The following CNIH3 variants were observed in gnomAD, a reference collection of about 807,000 sequenced individuals.
CNIH3 encodes cornichon family AMPA receptor auxiliary protein 3, also known as protein cornichon homolog 3.
A neutral mutation model predicts 24.1 loss-of-function variants in CNIH3; 14 were observed. That is an observed-to-expected ratio of 0.58 (90% CI 0.38 to 0.91). The LOEUF is 0.91. Ranked by LOEUF, CNIH3 falls within the 40% of genes least tolerant of loss-of-function variation. The pLI, the probability that CNIH3 is intolerant of heterozygous loss-of-function variation, is 0.00. For missense variants in CNIH3, 178 were observed against 196.8 expected (o/e 0.90, Z 0.57); for synonymous variants, 68 against 73.8 (o/e 0.92, Z 0.40).
chr1:224,695,902 T>C (rs142228169), intron 3 of CNIH3, among the ~76,000 whole-genome samples: 26 of 152,352 alleles, frequency 1.7e-4, no homozygotes, highest in South Asian at 1.5e-3. Flanking sequence ...AAATCATTGA[T>C]TGTTCTGACA....
chr1:224,454,313 T>C, intron 1 of CNIH3: 3 of 903,210 alleles, frequency 3.3e-6, no homozygotes, highest in Non-Finnish European at 4.0e-6. Flanking sequence ...CTCTATCAAC[T>C]AATATTTCTT....
rs1193905879 is a variant in CNIH3, at chr1:224,692,800, T to C, written c.198+7957T>C. Among the ~76,000 whole-genome samples, 8 of 152,360 alleles carry C rather than the reference T, an allele frequency of 5.3e-5. 1 individual carries two copies. On this transcript the variant is annotated intron_variant, in intron 3 of 5. Transcript: ENST00000272133. ...CCCATGTGACCAGAGTCCACATTTCTGATCACCACATTATAAGGGAGATTG... is the reference window on the plus strand; with the variant it reads ...CCCATGTGACCAGAGTCCACATTTCCGATCACCACATTATAAGGGAGATTG...
At chr1:224,669,512 G>T (rs925305691) in intron 1 of CNIH3, among the ~76,000 whole-genome samples, 1 of 152,124 alleles carries the variant, frequency 6.6e-6, no homozygotes. Flanking sequence ...GAGGGGCTCT[G>T]CCATGGCTTT....
chr1:224,487,574 C>T (rs1677076581), intron 1 of CNIH3, among the ~76,000 whole-genome samples: 1 of 152,206 alleles, frequency 6.6e-6, no homozygotes, highest in Non-Finnish European at 1.5e-5. Flanking sequence ...TTACAGCTAT[C>T]ATCTGCAGCT....
At chr1:224,561,054 T>C (rs1680353903) in intron 3 of CNIH3, among the ~76,000 whole-genome samples, 1 of 152,216 alleles carries the variant, frequency 6.6e-6, no homozygotes, top group Non-Finnish European at 1.5e-5. Context: ...TTTGAGTTTC[T>C]TACCCTTTGT....
At chr1:224,736,876 G>A (rs1216169084) in intron 5 of CNIH3, among the ~76,000 whole-genome samples, 1 of 152,172 alleles carries the variant, frequency 6.6e-6, no homozygotes, top group Non-Finnish European at 1.5e-5. Context: ...AAGCCGCCGT[G>A]GGCTTAGGGA....
chr1:224,519,709 TA>T lies in CNIH3; in HGVS notation n.16-1286del, dbSNP rs1324819149. 5.3e-5 allele frequency among the ~76,000 whole-genome samples: 8 copies of T among 150,534 alleles called. No individual in the cohort carries two copies. In the East Asian group the frequency reaches 1.2e-3, roughly 22 times the overall value. ...TATGTATACTATATATGTACACACA[TA>T]AAAATATATAATATGTGACATGTAT... On this transcript the variant is annotated intron_variant and non_coding_transcript_variant, in intron 1 of 2. Coordinates refer to the CNIH3 transcript ENST00000470602.
intron 1 of CNIH3, among the ~76,000 whole-genome samples, chr1:224,501,818 C>T (rs544760914): frequency 1.3e-5 from 2 of 152,142 alleles, no homozygotes; most frequent in African/African-American, 4.8e-5. Flanking sequence ...TGAGCTCAGG[C>T]AATCCACCTG....
intron 3 of CNIH3, among the ~76,000 whole-genome samples, chr1:224,721,623 A>G (rs1315438902): frequency 6.6e-6 from 1 of 152,238 alleles, no homozygotes; most frequent in East Asian, 1.9e-4. Flanking sequence ...TTGATGCTGT[A>G]TGAAAACAAT....
At chr1:224,443,319 C>A (rs1355836133) in intron 1 of CNIH3, among the ~76,000 whole-genome samples, 1 of 152,094 alleles carries the variant, frequency 6.6e-6, no homozygotes, top group Non-Finnish European at 1.5e-5. Context: ...CAACTACTTG[C>A]ATCTATCTAA....
chr1:224,454,314 A>C, intron 1 of CNIH3: 1 of 977,774 alleles, frequency 1.0e-6, no homozygotes, highest in Non-Finnish European at 1.2e-6. Flanking sequence ...TCTATCAACT[A>C]ATATTTCTTT....
At chr1:224,551,855 G>C (rs146497332) in intron 3 of CNIH3, among the ~76,000 whole-genome samples, 15 of 150,400 alleles carry the variant, frequency 1.0e-4, no homozygotes, top group Non-Finnish European at 3.0e-5. Flanking sequence ...TACTCCCTCT[G>C]TGTACACCCA....
chr1:224,564,216 G>A (rs1035166595), intron 3 of CNIH3, among the ~76,000 whole-genome samples: 33 of 152,246 alleles, frequency 2.2e-4, no homozygotes, highest in African/African-American at 7.5e-4. Context: ...TCATCACATA[G>A]TATCAATAAC....
chr1:224,621,325 C>A (rs1683267626), intron 1 of CNIH3, among the ~76,000 whole-genome samples: 1 of 152,190 alleles, frequency 6.6e-6, no homozygotes, highest in Non-Finnish European at 1.5e-5. Context: ...GTCACAGGCT[C>A]AGCCTCTGGA....
At chr1:224,687,697 G>C (rs1190779881) in intron 3 of CNIH3, among the ~76,000 whole-genome samples, 1 of 152,172 alleles carries the variant, frequency 6.6e-6, no homozygotes, top group Non-Finnish European at 1.5e-5. Flanking sequence ...TTCGTACCAG[G>C]ACCACCAGCT....
intron 3 of CNIH3, among the ~76,000 whole-genome samples, chr1:224,721,837 A>C (rs551061463): frequency 6.6e-6 from 1 of 152,022 alleles, no homozygotes; most frequent in Non-Finnish European, 1.5e-5. Flanking sequence ...TGGAGGGGGG[A>C]TTCTGGAGGT....
intron 5 of CNIH3, among the ~76,000 whole-genome samples, chr1:224,738,084 A>G (rs1327221799): frequency 6.6e-6 from 1 of 151,904 alleles, no homozygotes; most frequent in African/African-American, 2.4e-5. Flanking sequence ...GACACTGGAG[A>G]CCATGTTGGT....
chr1:224,566,380 T>G (rs1181628879), intron 4 of CNIH3: 3 of 152,160 alleles, frequency 2.0e-5, no homozygotes, highest in Admixed American at 6.5e-5. Flanking sequence ...TTCTTTTTTT[T>G]TTAAATTATA....
intron 1 of CNIH3, among the ~76,000 whole-genome samples, chr1:224,491,146 T>G (rs535647273): frequency 5.7e-4 from 87 of 152,322 alleles, no homozygotes; most frequent in African/African-American, 2.0e-3. Flanking sequence ...TCAGGCCATA[T>G]TTAGTTTGCT....
Sources: allele counts gnomAD v4.1 joint callset (sites outside exome capture counted in the v4.1 genomes callset), GRCh38; gene constraint gnomAD v4.1.1; transcripts MANE v1.5; gene names NCBI Gene and HGNC (gene_info 2026-07-23, HGNC 2026-07-21).